Variants in AK8 observed in about 807,000 individuals in gnomAD.
The protein encoded by AK8 is adenylate kinase 8, also known as ATP-AMP transphosphorylase 8.
Under a neutral mutation model 54.6 loss-of-function variants are expected in AK8, and 44 were observed. The ratio of observed to expected loss-of-function variants is 0.81; its 90% CI spans 0.63 to 1.04. The LOEUF is 1.04. Ranked by LOEUF, AK8 falls within the 50% of genes least tolerant of loss-of-function variation. AK8 has a pLI of 0.00. For synonymous variants in AK8, 239 were observed against 245.6 expected (o/e 0.97, Z 0.25); for missense variants, 555 against 613.6 (o/e 0.90, Z 1.01).
intron 11 of AK8, among the ~76,000 whole-genome samples, chr9:132,776,110 T>C (rs73659480): frequency 0.032 from 4,912 of 152,218 alleles, 287 homozygotes; most frequent in African/African-American, 0.11. Flanking sequence ...AGTGGTAAAA[T>C]GTCAATGGTC....
At chr9:132,866,998 C>T in intron 2 of AK8, 45 bp from the exon 3 acceptor site, 2 of 1,574,830 alleles carry the variant, frequency 1.3e-6, no homozygotes, top group Non-Finnish European at 1.7e-6. Flanking sequence ...ACATGACAAG[C>T]AGCCTCCCAC....
intron 5 of AK8, among the ~76,000 whole-genome samples, chr9:132,844,313 A>G (rs539906964): frequency 6.0e-4 from 91 of 151,384 alleles, no homozygotes; most frequent in African/African-American, 1.7e-3. Context: ...AAAAAAAAAA[A>G]AAAGAAAAAA....
intron 10 of AK8, among the ~76,000 whole-genome samples, chr9:132,798,909 G>A (rs915335903): frequency 2.6e-5 from 4 of 152,174 alleles, no homozygotes; most frequent in Non-Finnish European, 5.9e-5. Flanking sequence ...CGAAGGGGAA[G>A]GAGTCCTGTC....
chr9:132,727,682 C>G (rs1244807170), intron 11 of AK8, 148 bp from the exon 12 acceptor site: 2 of 696,942 alleles, frequency 2.9e-6, no homozygotes, highest in Non-Finnish European at 4.9e-6. Context: ...GCCTGCAAAC[C>G]TGCCTTTCAT....
intron 11 of AK8, among the ~76,000 whole-genome samples, chr9:132,784,245 C>A (rs939626506): frequency 5.9e-5 from 9 of 151,560 alleles, no homozygotes; most frequent in African/African-American, 9.7e-5. Context: ...ATAGGCCGGG[C>A]GCAGTGGCTC....
intron 11 of AK8, among the ~76,000 whole-genome samples, chr9:132,729,756 T>G (rs187305689): frequency 4.5e-4 from 68 of 152,112 alleles, no homozygotes; most frequent in Admixed American, 1.2e-3. Context: ...GGGGCCAAAG[T>G]TGGTGACAAC....
chr9:132,800,929 T>C (rs972541733), intron 10 of AK8, among the ~76,000 whole-genome samples: 1 of 150,534 alleles, frequency 6.6e-6, no homozygotes, highest in African/African-American at 2.4e-5. Context: ...CTTTTTTTTT[T>C]TTTTTTTTTT....
chr9:132,869,684 G>A (rs1438037922), intron 2 of AK8, among the ~76,000 whole-genome samples: 1 of 152,262 alleles, frequency 6.6e-6, no homozygotes, highest in African/African-American at 2.4e-5. Context: ...AGCCACCATA[G>A]GATATAGTGT....
At chr9:132,843,819 C>T (rs751539040) in intron 5 of AK8, among the ~76,000 whole-genome samples, 2 of 152,208 alleles carry the variant, frequency 1.3e-5, no homozygotes, top group South Asian at 2.1e-4. Flanking sequence ...TGAGGGGGGA[C>T]TTTGGTGCCT....
At chr9:132,865,536 C>CT (rs1358820800) in intron 3 of AK8, among the ~76,000 whole-genome samples, 3 of 152,244 alleles carry the variant, frequency 2.0e-5, no homozygotes, top group Middle Eastern at 3.4e-3. Context: ...AAAAATGGAC[C>CT]TTAGGCCGGG....
At chr9:132,785,876 A>T (rs960202464) in intron 11 of AK8, among the ~76,000 whole-genome samples, 1 of 152,254 alleles carries the variant, frequency 6.6e-6, no homozygotes, top group Admixed American at 6.5e-5. Flanking sequence ...CAAAGAAATC[A>T]GAGTTTGAAT....
intron 11 of AK8, among the ~76,000 whole-genome samples, chr9:132,768,328 C>T (rs1018113851): frequency 4.6e-5 from 7 of 151,070 alleles, no homozygotes; most frequent in African/African-American, 1.7e-4. Flanking sequence ...AGTGCAATGG[C>T]GCCATCTCAG....
At chr9:132,737,294 C>T (rs562920694) in intron 11 of AK8, among the ~76,000 whole-genome samples, 2 of 152,064 alleles carry the variant, frequency 1.3e-5, no homozygotes, top group Non-Finnish European at 2.9e-5. Context: ...ATGGACAAAA[C>T]AATGAACCAT....
rs1365218701 is a variant in AK8, at chr9:132,860,147, G to A, written c.333+3518C>T. Among the ~76,000 whole-genome samples the A allele has an allele frequency of 5.3e-5, 8 of 152,030 alleles. No homozygotes were observed. The highest frequency in any genetic ancestry group is 2.1e-4 in the South Asian group (1 of 4,820). On this transcript the variant is annotated intron_variant, in intron 4 of 12. Transcript: ENST00000298545. The surrounding 1 kb of genome is among the most constrained non-coding windows in gnomAD (Gnocchi z 4.4). ...AGCCAGCGTCTTCAGGGCATCAAAC[G>A]TCTCTTCCAGCCCGGCCTGGACCCA... is the stretch of plus-strand genomic sequence containing the variant.
intron 5 of AK8, among the ~76,000 whole-genome samples, chr9:132,836,557 T>A (rs955497782): frequency 6.6e-6 from 1 of 152,204 alleles, no homozygotes; most frequent in African/African-American, 2.4e-5. Context: ...GACACATTTC[T>A]CTTTTTTTGA....
intron 11 of AK8, among the ~76,000 whole-genome samples, chr9:132,767,211 A>G (rs1345565139): frequency 6.6e-6 from 1 of 152,248 alleles, no homozygotes; most frequent in African/African-American, 2.4e-5. Context: ...CAAAGGAAGT[A>G]TTTGTAAACT....
intron 11 of AK8, among the ~76,000 whole-genome samples, chr9:132,737,273 C>G (rs1297686463): frequency 2.0e-5 from 3 of 152,098 alleles, no homozygotes. Flanking sequence ...TGCATGTATA[C>G]ATATAAACAG....
In AK8 at chr9:132,781,439, C is replaced by CAATATATAAATA. The variant is rs1839461712; in HGVS notation, c.1121+11194_1121+11195insTATTTATATATT. Among the ~76,000 whole-genome samples, 1 of 152,094 alleles carries CAATATATAAATA rather than the reference C, an allele frequency of 6.6e-6. No homozygotes were observed. The highest frequency in any genetic ancestry group is 2.4e-5 in the African/African-American group (1 of 41,412). On this transcript the variant is annotated intron_variant, in intron 11 of 12. Transcript: ENST00000298545. The surrounding 1 kb of genome is among the most constrained non-coding windows in gnomAD (Gnocchi z 4.6). ...GCTCTAAGAAGAGATTTATATTTGA[C>CAATATATAAATA]AAGGAGACAATAGCTTTGTTTTCTG... is the stretch of plus-strand genomic sequence containing the variant.
intron 7 of AK8, chr9:132,827,537 C>T (rs2131304952): frequency 4.8e-6 from 1 of 209,916 alleles, no homozygotes. Flanking sequence ...TCTCCCCCCA[C>T]CCTCCCGCCA....
Sources: gnomAD v4.1 joint callset for allele counts (sites outside exome capture counted in the v4.1 genomes callset) on GRCh38, gnomAD v4.1.1 for gene constraint, Gnocchi (gnomAD v3.1) non-coding constraint, MANE v1.5 for transcripts, NCBI Gene and HGNC (gene_info 2026-07-23, HGNC 2026-07-21) for gene names.